The following KCNB2 variants were observed in gnomAD, a reference collection of about 807,000 sequenced individuals.
KCNB2 encodes the protein delayed rectifier potassium channel protein.
In KCNB2, 15 loss-of-function variants were observed where a neutral mutation model predicts 61.5. The ratio of observed to expected loss-of-function variants is 0.24; its 90% CI spans 0.16 to 0.38. The LOEUF (loss-of-function observed/expected upper bound fraction) is 0.38, where lower values mean the gene tolerates loss of function less well. Ranked by LOEUF, KCNB2 falls within the 10% of genes least tolerant of loss-of-function variation. KCNB2 has a pLI of 1.00. For missense variants in KCNB2, 828 were observed against 1,125.2 expected (o/e 0.74, Z 3.78); for synonymous variants, 457 against 446.0 (o/e 1.02, Z -0.31).
chr8:72,795,689 A>C (rs574644711), intron 2 of KCNB2, among the ~76,000 whole-genome samples: 4 of 152,230 alleles, frequency 2.6e-5, no homozygotes, highest in African/African-American at 9.6e-5. Context: ...AAAATGCCTC[A>C]TACATATTAG....
At chr8:72,868,088 T>TA (rs1423720450) in intron 2 of KCNB2, among the ~76,000 whole-genome samples, 1 of 148,926 alleles carries the variant, frequency 6.7e-6, no homozygotes, top group Non-Finnish European at 1.5e-5. Flanking sequence ...TTTTTTTTTT[T>TA]AGAGACAGGG....
At chr8:72,764,334 G>A (rs924066186) in intron 2 of KCNB2, among the ~76,000 whole-genome samples, 1 of 152,138 alleles carries the variant, frequency 6.6e-6, no homozygotes, top group Non-Finnish European at 1.5e-5. Flanking sequence ...GTAAGGAGGT[G>A]GAGACAACAC....
intron 2 of KCNB2, among the ~76,000 whole-genome samples, chr8:72,851,798 CTT>C (rs67080189): frequency 3.1e-5 from 3 of 96,886 alleles, no homozygotes; most frequent in African/African-American, 4.2e-5. Context: ...TTTCTTCTTC[CTT>C]TTTTTTTTTA....
At chr8:72,693,462 C>G (rs1297266111) in intron 2 of KCNB2, among the ~76,000 whole-genome samples, 1 of 152,150 alleles carries the variant, frequency 6.6e-6, no homozygotes, top group Admixed American at 6.5e-5. Flanking sequence ...CTGTGCCATA[C>G]AGGGAGCATA....
intron 2 of KCNB2, among the ~76,000 whole-genome samples, chr8:72,917,182 C>T (rs960373287): frequency 8.5e-5 from 13 of 152,070 alleles, no homozygotes; most frequent in Non-Finnish European, 1.3e-4. Flanking sequence ...GAGGCTTTTT[C>T]GATGAGTACT....
At chr8:72,597,558 GA>G (rs1807219697) in intron 2 of KCNB2, among the ~76,000 whole-genome samples, 1 of 152,172 alleles carries the variant, frequency 6.6e-6, no homozygotes, top group Non-Finnish European at 1.5e-5. Flanking sequence ...TATAGAAATT[GA>G]TTTTACAGTC....
intron 2 of KCNB2, among the ~76,000 whole-genome samples, chr8:72,614,488 G>A (rs1026196502): frequency 6.6e-6 from 1 of 152,138 alleles, no homozygotes; most frequent in African/African-American, 2.4e-5. Context: ...CCTCACCTGA[G>A]CATATTGTTC....
At chr8:72,753,273 T>G (rs1211259969) in intron 2 of KCNB2, among the ~76,000 whole-genome samples, 1 of 152,216 alleles carries the variant, frequency 6.6e-6, no homozygotes, top group Non-Finnish European at 1.5e-5. Context: ...TACTAATGAG[T>G]TTACGTTGAT....
At chr8:72,928,551 G>A (rs1806705353) in intron 2 of KCNB2, among the ~76,000 whole-genome samples, 1 of 151,916 alleles carries the variant, frequency 6.6e-6, no homozygotes, top group Non-Finnish European at 1.5e-5. Context: ...GTATGTGGTA[G>A]TTTAACAAAT....
At chr8:72,811,171 T>TA (rs397785198) in intron 2 of KCNB2, among the ~76,000 whole-genome samples, 1 of 151,484 alleles carries the variant, frequency 6.6e-6, no homozygotes, top group Admixed American at 6.6e-5. Context: ...TTTTTTTTTT[T>TA]AACCTTCTTG....
chr8:72,707,183 A>C (rs1248615823), intron 2 of KCNB2, among the ~76,000 whole-genome samples: 1 of 152,228 alleles, frequency 6.6e-6, no homozygotes, highest in African/African-American at 2.4e-5. Context: ...GTAATTTCAC[A>C]ACTTTCCTTA....
chr8:72,766,374 T>C (rs1246794412), intron 2 of KCNB2, among the ~76,000 whole-genome samples: 1 of 152,214 alleles, frequency 6.6e-6, no homozygotes, highest in East Asian at 1.9e-4. Context: ...TTAAACTATG[T>C]TCCACAAGAG....
intron 2 of KCNB2, among the ~76,000 whole-genome samples, chr8:72,701,354 G>A (rs138909822): frequency 6.6e-6 from 1 of 152,144 alleles, no homozygotes; most frequent in African/African-American, 2.4e-5. Flanking sequence ...ACACTTAATA[G>A]TCAAGAAATT....
At chr8:72,702,540 G>A (rs1807150207) in intron 2 of KCNB2, among the ~76,000 whole-genome samples, 1 of 152,144 alleles carries the variant, frequency 6.6e-6, no homozygotes, top group South Asian at 2.1e-4. Context: ...CATTCAGAAA[G>A]CTTGGATTCC....
chr8:72,734,528 G>T (rs905105396), intron 2 of KCNB2, among the ~76,000 whole-genome samples: 18 of 152,100 alleles, frequency 1.2e-4, no homozygotes, highest in African/African-American at 4.1e-4. Flanking sequence ...ACACTGAAAA[G>T]GTATTTTTAA....
intron 2 of KCNB2, among the ~76,000 whole-genome samples, chr8:72,898,292 TG>T: frequency 6.7e-6 from 1 of 148,504 alleles, no homozygotes; most frequent in African/African-American, 2.5e-5. Context: ...GGGCCTTTTG[TG>T]GGGTAGGGGA....
chr8:72,910,351 C>G (rs1806265738), intron 2 of KCNB2, among the ~76,000 whole-genome samples: 2 of 151,902 alleles, frequency 1.3e-5, no homozygotes, highest in African/African-American at 4.8e-5. Context: ...TTGAGAACCA[C>G]CAATGCATAG....
chr8:72,597,819 A>C, intron 2 of KCNB2, among the ~76,000 whole-genome samples: 1 of 152,196 alleles, frequency 6.6e-6, no homozygotes, highest in East Asian at 1.9e-4. Flanking sequence ...ATGCTAAAAA[A>C]GAAATTAAAC....
intron 2 of KCNB2, among the ~76,000 whole-genome samples, chr8:72,836,680 G>C (rs886372958): frequency 2.6e-5 from 4 of 152,200 alleles, no homozygotes; most frequent in African/African-American, 9.7e-5. Flanking sequence ...GGAAGCAGAA[G>C]CAGGTGGATT....
Sources: allele counts gnomAD v4.1 joint callset (sites outside exome capture counted in the v4.1 genomes callset), GRCh38; gene constraint gnomAD v4.1.1; transcripts MANE v1.5; gene names NCBI Gene and HGNC (gene_info 2026-07-23, HGNC 2026-07-21).